Variants in PLXNA2 observed in about 807,000 individuals in gnomAD.
PLXNA2 encodes the protein plexin-A2.
Under a neutral mutation model 193.5 loss-of-function variants are expected in PLXNA2, and 91 were observed. That is an observed-to-expected ratio of 0.47 (90% confidence interval 0.40 to 0.56). The LOEUF is 0.56. PLXNA2 is among the 20% of genes least tolerant of loss of function. PLXNA2 has a pLI of 0.00. For missense variants in PLXNA2, 1,995 were observed against 2,503.2 expected, an observed-to-expected ratio of 0.80 and a Z score of 4.33; for synonymous variants, 997 against 1,027.3, an observed-to-expected ratio of 0.97 and a Z score of 0.56.
chr1:208,091,544 C>A (rs940750510), intron 9 of PLXNA2, among the ~76,000 whole-genome samples: 2 of 152,258 alleles, frequency 1.3e-5, no homozygotes, highest in Non-Finnish European at 2.9e-5. Context: ...CTTCAAGGAG[C>A]TTGTAGTCTA....
Position 208,137,102 on chromosome 1 carries a change from G to T in PLXNA2, c.1506+5227C>A, listed in dbSNP as rs77065483. Among the ~76,000 whole-genome samples the T allele has an allele frequency of 3.9e-3, 590 of 152,184 alleles. 10 individuals carry two copies. Among genetic ancestry groups the T allele is most frequent in the Admixed American group, 0.022 (336 of 15,274 alleles). ...CAGCTCTTAACATCTATGCTATTTT[G>T]CCTCTCCAGGCCTTGAAGTAGAGAA... On this transcript the variant is annotated intron_variant, in intron 4 of 31. Coordinates refer to ENST00000367033, the MANE Select transcript of PLXNA2 (RefSeq NM_025179.4).
intron 10 of PLXNA2, among the ~76,000 whole-genome samples, chr1:208,083,904 C>A (rs557169361): frequency 1.3e-5 from 2 of 152,036 alleles, no homozygotes; most frequent in Admixed American, 1.3e-4. Context: ...TGGTTATTCA[C>A]TCCCTGAATG....
At position 208,217,684 on chromosome 1, in the gene PLXNA2, T is replaced by C; in HGVS notation, c.239A>G (p.Gln80Arg). Reference sequence around the variant, plus strand: ...TTCTGGCCCTGTCTTATGAGCCACCTGGATGGTCAGGTTGCCTGTCAGCTT... The same window carrying C: ...TTCTGGCCCTGTCTTATGAGCCACCCGGATGGTCAGGTTGCCTGTCAGCTT... ...VYKLTGNLTI[Q>R]VAHKTGPEED... The change falls in exon 2 of 32, where the codon CAG becomes CGG. Residue 80 changes from glutamine to arginine, a missense_variant. By Grantham distance (43) the Gln-to-Arg change is conservative (BLOSUM62 1). Around this residue, in one of 3 missense-constraint regions of PLXNA2, gnomAD observed 702 missense variants for 812.9 expected, o/e 0.86. Coordinates refer to ENST00000367033, the MANE Select transcript of PLXNA2 (RefSeq NM_025179.4). This position sits in a 1 kb window ranked among gnomAD's most constrained non-coding sequence, Gnocchi z 4.7. The C allele has an allele frequency of 5.6e-6, 9 of 1,614,188 alleles. No homozygotes were observed. Among genetic ancestry groups the C allele is most frequent in the Non-Finnish European group, 5.1e-6 (6 of 1,180,034 alleles).
At chr1:208,145,102 G>A (rs980007005) in intron 3 of PLXNA2, among the ~76,000 whole-genome samples, 4 of 152,212 alleles carry the variant, frequency 2.6e-5, no homozygotes, top group Non-Finnish European at 5.9e-5. Flanking sequence ...AGTCACAAAA[G>A]TTCTTGGGCT....
intron 4 of PLXNA2, among the ~76,000 whole-genome samples, chr1:208,139,085 G>T (rs1668392552): frequency 6.6e-6 from 1 of 152,160 alleles, no homozygotes; most frequent in Non-Finnish European, 1.5e-5. Context: ...TTGAAAAAGA[G>T]AACACTGCTT....
intron 12 of PLXNA2, among the ~76,000 whole-genome samples, chr1:208,061,847 G>A (rs191416275): frequency 4.7e-4 from 71 of 152,250 alleles, no homozygotes; most frequent in Non-Finnish European, 8.7e-4. Context: ...AAAATAACTC[G>A]AAGTGAACTC....
chr1:208,041,080 C>G (rs1664852138), intron 22 of PLXNA2, among the ~76,000 whole-genome samples: 1 of 152,182 alleles, frequency 6.6e-6, no homozygotes, highest in East Asian at 1.9e-4. Context: ...TCCCGTGGCT[C>G]CTCCCAGCAC....
chr1:208,205,953 T>C (rs1670707371), intron 3 of PLXNA2, among the ~76,000 whole-genome samples: 1 of 152,206 alleles, frequency 6.6e-6, no homozygotes, highest in African/African-American at 2.4e-5. Context: ...AGCTCTGCCA[T>C]TTTATTTGCT....
At chr1:208,084,991 G>A (rs745548787) in intron 9 of PLXNA2, among the ~76,000 whole-genome samples, 9 of 151,808 alleles carry the variant, frequency 5.9e-5, no homozygotes, top group Admixed American at 1.3e-4. Flanking sequence ...TGGGGCATCC[G>A]TTATCAGCAG....
chr1:208,029,748 C>T (rs1038350849), intron 29 of PLXNA2: 1 of 985,526 alleles, frequency 1.0e-6, no homozygotes, highest in African/African-American at 1.7e-5. Context: ...CCTTCTGCAA[C>T]TCGGGAATTT....
At chr1:208,065,473 A>C (rs918390033) in intron 12 of PLXNA2, among the ~76,000 whole-genome samples, 3 of 152,180 alleles carry the variant, frequency 2.0e-5, no homozygotes, top group African/African-American at 7.2e-5. Context: ...TAACATCTGG[A>C]GAGTTCTTAG....
At chr1:208,142,064 G>A (rs573531277) in intron 4 of PLXNA2, among the ~76,000 whole-genome samples, 4 of 152,218 alleles carry the variant, frequency 2.6e-5, no homozygotes, top group Non-Finnish European at 2.9e-5. Flanking sequence ...GCTGCTCCAC[G>A]CAGTCTGGCC....
intron 2 of PLXNA2, among the ~76,000 whole-genome samples, chr1:208,212,744 A>G (rs1671003149): frequency 6.6e-6 from 1 of 152,190 alleles, no homozygotes; most frequent in African/African-American, 2.4e-5. Flanking sequence ...AGCTCCCTAG[A>G]AAGGCAGGTC....
At chr1:208,143,089 T>A (rs1272236131) in intron 3 of PLXNA2, among the ~76,000 whole-genome samples, 1 of 152,176 alleles carries the variant, frequency 6.6e-6, no homozygotes, top group African/African-American at 2.4e-5. Context: ...AGGACTGAGA[T>A]GTCATCTAGT....
chr1:208,060,970 G>A, intron 12 of PLXNA2, 133 bp from the exon 13 acceptor site: 1 of 698,434 alleles, frequency 1.4e-6, no homozygotes. Flanking sequence ...ATTCTGGTGA[G>A]TGAGTGCGTT....
At chr1:208,159,644 C>A (rs114734830) in intron 3 of PLXNA2, among the ~76,000 whole-genome samples, 2 of 152,226 alleles carry the variant, frequency 1.3e-5, no homozygotes, top group Non-Finnish European at 2.9e-5. Flanking sequence ...CTGGTGCTAC[C>A]GTGACGCCCA....
intron 7 of PLXNA2, 50 bp from the exon 8 acceptor site, chr1:208,096,175 C>A: frequency 7.3e-7 from 1 of 1,367,252 alleles, no homozygotes; most frequent in Non-Finnish European, 1.0e-6. Context: ...CGTGGGGGAC[C>A]CAGTGGACAG....
intron 1 of PLXNA2, among the ~76,000 whole-genome samples, chr1:208,238,953 C>T (rs1235597554): frequency 2.0e-5 from 3 of 152,154 alleles, no homozygotes; most frequent in Admixed American, 1.3e-4. Flanking sequence ...CAGCCCTAGA[C>T]GTGACCTGTT....
At chr1:208,034,869 T>C (rs1488723688) in intron 26 of PLXNA2, among the ~76,000 whole-genome samples, 2 of 152,188 alleles carry the variant, frequency 1.3e-5, no homozygotes, top group African/African-American at 4.8e-5. Context: ...AGATGTGCTA[T>C]AAATATACAT....
Sources: gnomAD v4.1 joint callset for allele counts (sites outside exome capture counted in the v4.1 genomes callset) on GRCh38, gnomAD v4.1.1 for gene constraint, gnomAD v4.1.1 regional missense constraint, Gnocchi (gnomAD v3.1) non-coding constraint, MANE v1.5 for transcripts, NCBI Gene and HGNC (gene_info 2026-07-23, HGNC 2026-07-21) for gene names.